Variants in SYN3 observed in about 807,000 individuals in gnomAD.
SYN3 encodes synapsin-3.
A neutral mutation model predicts 65.8 loss-of-function variants in SYN3; 35 were observed. The ratio of observed to expected loss-of-function variants is 0.53; its 90% CI spans 0.41 to 0.70. The LOEUF (loss-of-function observed/expected upper bound fraction) is 0.70, where lower values mean the gene tolerates loss of function less well. SYN3 is among the 30% of genes least tolerant of loss of function. The pLI is 0.00. For synonymous variants in SYN3, 270 were observed against 292.9 expected (o/e 0.92, Z 0.80); for missense variants, 680 against 749.0 (o/e 0.91, Z 1.08).
Position 32,578,489 on chromosome 22 carries a change from A to G in SYN3, c.774+18185T>C, listed in dbSNP as rs5994590. On this transcript the variant is annotated intron_variant, in intron 7 of 13. Coordinates refer to ENST00000358763, the MANE Select transcript of SYN3 (RefSeq NM_003490.4). ...GGTCTTGAACTCCTGGACTCAAGCT[A>G]TCCACCTGCCTCTGCCTCCCAAAGT... Among the ~76,000 whole-genome samples the G allele has an allele frequency of 1.1e-3, 175 of 152,272 alleles. 1 individual carries two copies. The highest frequency in any genetic ancestry group is 3.6e-3 in the African/African-American group (149 of 41,556).
chr22:32,637,596 G>A (rs534140620), intron 6 of SYN3, among the ~76,000 whole-genome samples: 5 of 148,194 alleles, frequency 3.4e-5, no homozygotes, highest in Non-Finnish European at 7.4e-5. Context: ...ACTGAGCATA[G>A]TACCCAACAG....
intron 10 of SYN3, among the ~76,000 whole-genome samples, chr22:32,531,806 GA>G (rs67627471): frequency 0.82 from 122,562 of 150,174 alleles, 49,944 homozygotes; most frequent in East Asian, 0.92. Flanking sequence ...TTTCTGCGAG[GA>G]AAAAAAAAAT....
chr22:32,542,203 A>T (rs1362228990), intron 7 of SYN3, among the ~76,000 whole-genome samples: 1 of 152,174 alleles, frequency 6.6e-6, no homozygotes, highest in African/African-American at 2.4e-5. Flanking sequence ...GAAATGGTGT[A>T]GTTTGCGTTT....
chr22:32,921,895 C>A (rs2050343515), intron 4 of SYN3, among the ~76,000 whole-genome samples: 1 of 152,152 alleles, frequency 6.6e-6, no homozygotes, highest in African/African-American at 2.4e-5. Context: ...GCTGCTGTCA[C>A]CGTGGCAAAT....
rs1397767866 is a variant in SYN3 at position 32,511,038 on chromosome 22, G to C, written c.*2654C>G. On this transcript the variant is annotated 3_prime_UTR_variant, in exon 14 of 14. Coordinates refer to ENST00000358763, the MANE Select transcript of SYN3 (RefSeq NM_003490.4). ...GTGTAAGGGGACTCCTAGAATCACTGGCTAATCATCAAACCTTATGTTAAT... is the reference window on the plus strand; with the variant it reads ...GTGTAAGGGGACTCCTAGAATCACTCGCTAATCATCAAACCTTATGTTAAT... Among the ~76,000 whole-genome samples the C allele has an allele frequency of 6.8e-6, 1 of 147,688 alleles. No homozygotes were observed.
At chr22:32,775,531 C>T (rs8135713) in intron 6 of SYN3, among the ~76,000 whole-genome samples, 107,366 of 151,996 alleles carry the variant, frequency 0.71, 38,484 homozygotes, top group African/African-American at 0.83. Flanking sequence ...CAGTAGAGGA[C>T]ACATGTATCC....
At chr22:32,561,585 C>G (rs1439338887) in intron 7 of SYN3, among the ~76,000 whole-genome samples, 1 of 152,212 alleles carries the variant, frequency 6.6e-6, no homozygotes, top group African/African-American at 2.4e-5. Context: ...TTTCCAAACT[C>G]TGGCAGTTTC....
intron 7 of SYN3, chr22:32,584,177 T>C (rs1269218629): frequency 6.6e-6 from 1 of 152,254 alleles, no homozygotes; most frequent in East Asian, 1.9e-4. Context: ...GGCTGCCGTA[T>C]GATTATTAAA....
At chr22:32,930,756 A>G (rs2050604666) in intron 4 of SYN3, among the ~76,000 whole-genome samples, 1 of 152,202 alleles carries the variant, frequency 6.6e-6, no homozygotes, top group Non-Finnish European at 1.5e-5. Context: ...TTAACTAGAT[A>G]GCAATGTATT....
At chr22:32,623,021 G>A (rs946092036) in intron 6 of SYN3, among the ~76,000 whole-genome samples, 2 of 152,092 alleles carry the variant, frequency 1.3e-5, no homozygotes, top group Admixed American at 6.5e-5. Flanking sequence ...CACATTTTCC[G>A]AAAGTGGGGC....
At chr22:32,648,206 G>A (rs1315604128) in intron 6 of SYN3, among the ~76,000 whole-genome samples, 1 of 152,092 alleles carries the variant, frequency 6.6e-6, no homozygotes, top group Non-Finnish European at 1.5e-5. Context: ...TGGTTCCTGT[G>A]CTCTTTCAAC....
At chr22:32,622,548 C>G (rs999836301) in intron 6 of SYN3, among the ~76,000 whole-genome samples, 2 of 151,896 alleles carry the variant, frequency 1.3e-5, no homozygotes, top group African/African-American at 4.8e-5. Flanking sequence ...GAGGGGGAGG[C>G]CCAGCGCTGG....
At chr22:32,814,324 A>AAAGAAAGAAAGAAAGAAAGG (rs143987389) in intron 6 of SYN3, among the ~76,000 whole-genome samples, 1 of 65,910 alleles carries the variant, frequency 1.5e-5, no homozygotes, top group African/African-American at 5.1e-5. Context: ...AGACAGAAAG[A>AAAGAAAGAAAGAAAGAAAGG]AAGAAAGAAA....
chr22:33,023,419 T>G (rs1267179514), intron 1 of SYN3, among the ~76,000 whole-genome samples: 2 of 152,216 alleles, frequency 1.3e-5, no homozygotes, highest in African/African-American at 4.8e-5. Flanking sequence ...TTCCTTGACC[T>G]TCCACCACGA....
At chr22:33,020,255 G>C (rs1031688944) in intron 1 of SYN3, among the ~76,000 whole-genome samples, 1 of 152,210 alleles carries the variant, frequency 6.6e-6, no homozygotes, top group African/African-American at 2.4e-5. Flanking sequence ...AATGGAGAAA[G>C]TGGTGAGGTT....
intron 1 of SYN3, among the ~76,000 whole-genome samples, chr22:33,011,807 G>A (rs577155916): frequency 1.1e-4 from 16 of 151,966 alleles, no homozygotes; most frequent in South Asian, 6.2e-4. Context: ...ATGTGATTTC[G>A]AGCATTTTGT....
chr22:32,829,686 C>T (rs556811878), intron 6 of SYN3, among the ~76,000 whole-genome samples: 18 of 152,376 alleles, frequency 1.2e-4, no homozygotes, highest in African/African-American at 3.8e-4. Flanking sequence ...TGCCGGTCCC[C>T]GGGCACTGAC....
intron 6 of SYN3, among the ~76,000 whole-genome samples, chr22:32,808,250 C>T (rs892515310): frequency 2.0e-5 from 3 of 152,198 alleles, no homozygotes; most frequent in African/African-American, 7.2e-5. Flanking sequence ...GTTTTGAACA[C>T]ACATACACAG....
At chr22:32,851,912 G>A (rs1295223727) in intron 6 of SYN3, among the ~76,000 whole-genome samples, 1 of 152,148 alleles carries the variant, frequency 6.6e-6, no homozygotes, top group African/African-American at 2.4e-5. Context: ...ACAAGATACA[G>A]GCTAGAAGTA....
Sources: allele counts gnomAD v4.1 joint callset (sites outside exome capture counted in the v4.1 genomes callset), GRCh38; gene constraint gnomAD v4.1.1; transcripts MANE v1.5; gene names NCBI Gene and HGNC (gene_info 2026-07-23, HGNC 2026-07-21).